GPC6: variants seen among roughly 807,000 people sequenced by gnomAD.
GPC6 encodes glypican-6.
A neutral mutation model predicts 55.2 loss-of-function variants in GPC6; 14 were observed. That is an observed-to-expected ratio of 0.25 (90% CI 0.17 to 0.40). The LOEUF (loss-of-function observed/expected upper bound fraction) is 0.40, where lower values mean the gene tolerates loss of function less well. Ranked by LOEUF, GPC6 falls within the 10% of genes least tolerant of loss-of-function variation. The probability of loss-of-function intolerance (pLI) is 1.00; values close to 1 mark genes in which losing one functional copy is unlikely to be tolerated. For synonymous variants in GPC6, 278 were observed against 259.6 expected (o/e 1.07, Z -0.68); for missense variants, 641 against 708.5 (o/e 0.90, Z 1.08).
At chr13:93,435,798 C>G (rs73552683) in intron 1 of GPC6, among the ~76,000 whole-genome samples, 1,871 of 152,210 alleles carry the variant, frequency 0.012, 38 homozygotes, top group African/African-American at 0.043. Flanking sequence ...GGATCAAATA[C>G]GGAAATTTTC....
At chr13:93,613,530 A>AACAC (rs10573990) in intron 2 of GPC6, among the ~76,000 whole-genome samples, 6,177 of 139,916 alleles carry the variant, frequency 0.044, 269 homozygotes, top group East Asian at 0.23. Flanking sequence ...ACACACACAA[A>AACAC]ACACACACAC....
chr13:93,367,071 A>G (rs759984543), intron 1 of GPC6, among the ~76,000 whole-genome samples: 1 of 152,058 alleles, frequency 6.6e-6, no homozygotes, highest in Non-Finnish European at 1.5e-5. Flanking sequence ...ATGCTTTTCA[A>G]CCTTAAAATT....
rs76848856 is a variant in GPC6, at chr13:94,082,995, T to C, written c.877+55101T>C. Among the ~76,000 whole-genome samples the C allele has an allele frequency of 1.8e-3, 276 of 152,352 alleles. 1 individual carries two copies. Among genetic ancestry groups the C allele is most frequent in the African/African-American group, 5.7e-3 (235 of 41,588 alleles). On this transcript the variant is annotated intron_variant, in intron 4 of 8. Coordinates refer to ENST00000377047, the MANE Select transcript of GPC6 (RefSeq NM_005708.5). ...TTAGTATTGGCCATGGCATATCTGT[T>C]CACGAATTGACTCATGATCTGTCAG... is the stretch of plus-strand genomic sequence containing the variant.
At chr13:94,180,623 T>C (rs1158175216) in intron 4 of GPC6, among the ~76,000 whole-genome samples, 2 of 152,182 alleles carry the variant, frequency 1.3e-5, no homozygotes, top group Admixed American at 6.5e-5. Flanking sequence ...TTCTTCTCCC[T>C]TAGCAATCAA....
intron 1 of GPC6, among the ~76,000 whole-genome samples, chr13:93,332,696 G>A (rs1028136204): frequency 1.3e-5 from 2 of 152,088 alleles, no homozygotes; most frequent in African/African-American, 2.4e-5. Context: ...CCTTTGCTGT[G>A]CAGAAGATTT....
intron 6 of GPC6, among the ~76,000 whole-genome samples, chr13:94,354,794 C>A (rs9524456): frequency 0.042 from 6,374 of 152,330 alleles, 212 homozygotes; most frequent in Non-Finnish European, 0.068. Flanking sequence ...AAATTGTCAG[C>A]CATCAGTGTT....
In GPC6 at chr13:93,977,591, G is replaced by A. The variant is rs1227692730; in HGVS notation, c.712-50138G>A. Among the ~76,000 whole-genome samples the A allele has an allele frequency of 2.0e-5, 3 of 151,002 alleles. No homozygotes were observed. In the East Asian group the frequency reaches 5.9e-4, roughly 30 times the overall value. On this transcript the variant is annotated intron_variant, in intron 3 of 8. Transcript: ENST00000377047. ...CTTTTGATTCATAACAGAACTTGTTGGAGAGAGCCAATACATGATATTAGC... is the reference window on the plus strand; with the variant it reads ...CTTTTGATTCATAACAGAACTTGTTAGAGAGAGCCAATACATGATATTAGC...
chr13:93,915,256 A>G (rs916803202), intron 3 of GPC6, among the ~76,000 whole-genome samples: 3 of 152,194 alleles, frequency 2.0e-5, no homozygotes, highest in Non-Finnish European at 4.4e-5. Flanking sequence ...TGATAACCCT[A>G]TGTAGTACAT....
chr13:93,645,177 G>A (rs1880122828), intron 2 of GPC6, among the ~76,000 whole-genome samples: 1 of 151,664 alleles, frequency 6.6e-6, no homozygotes, highest in African/African-American at 2.4e-5. Context: ...AAACTGTTCA[G>A]ATTCTTTGAA....
In GPC6 at chr13:93,305,683, G is replaced by A. The variant is rs183047378; in HGVS notation, c.160+78067G>A. On this transcript the variant is annotated intron_variant, in intron 1 of 8. Transcript: ENST00000377047. ...TCACTTCCTTTCTTCTAGATATGTT[G>A]TCTTGCATTAGGGCCCACAGATGTA... Among the ~76,000 whole-genome samples the A allele has an allele frequency of 3.6e-3, 544 of 152,188 alleles. 3 individuals carry two copies. Among genetic ancestry groups the A allele is most frequent in the African/African-American group, 0.012 (517 of 41,524 alleles).
chr13:93,527,187 A>T lies in GPC6; in HGVS notation c.161-18076A>T, dbSNP rs565533213. Among the ~76,000 whole-genome samples the T allele has an allele frequency of 4.6e-5, 7 of 152,264 alleles. No individual in the cohort carries two copies. The East Asian group carries it at 9.6e-4, about 21-fold the overall frequency. ...ATCGTTAGCAGTCAAACAAATTAACATATCCATCACCTACCATAGTTACCT... is the reference window on the plus strand; with the variant it reads ...ATCGTTAGCAGTCAAACAAATTAACTTATCCATCACCTACCATAGTTACCT... On this transcript the variant is annotated intron_variant, in intron 1 of 8. Coordinates refer to ENST00000377047, the MANE Select transcript of GPC6 (RefSeq NM_005708.5).
intron 1 of GPC6, among the ~76,000 whole-genome samples, chr13:93,412,424 G>A (rs2139246688): frequency 6.6e-6 from 1 of 152,300 alleles, no homozygotes; most frequent in Middle Eastern, 3.4e-3. Flanking sequence ...GAGAGGCCGA[G>A]GCAGGTGGAT....
chr13:93,537,808 A>T (rs1173595667), intron 1 of GPC6, among the ~76,000 whole-genome samples: 1 of 152,088 alleles, frequency 6.6e-6, no homozygotes, highest in African/African-American at 2.4e-5. Flanking sequence ...CACTTCACAT[A>T]GTTAGTAAGT....
intron 4 of GPC6, among the ~76,000 whole-genome samples, chr13:94,042,275 C>G (rs1455518486): frequency 6.6e-6 from 1 of 151,810 alleles, no homozygotes; most frequent in Non-Finnish European, 1.5e-5. Flanking sequence ...CACCATACTT[C>G]CTGTACACCC....
intron 1 of GPC6, among the ~76,000 whole-genome samples, chr13:93,403,466 C>G (rs1876168858): frequency 6.6e-6 from 1 of 152,212 alleles, no homozygotes; most frequent in African/African-American, 2.4e-5. Context: ...GACAGCTATT[C>G]ATTTCATTAT....
At chr13:94,234,105 T>A (rs1890806880) in intron 4 of GPC6, among the ~76,000 whole-genome samples, 1 of 152,000 alleles carries the variant, frequency 6.6e-6, no homozygotes, top group South Asian at 2.1e-4. Context: ...TCTTATTTAG[T>A]CACACCTCAT....
chr13:93,379,984 G>GCAAGTTT (rs1875091226), intron 1 of GPC6, among the ~76,000 whole-genome samples: 1 of 148,012 alleles, frequency 6.8e-6, no homozygotes, highest in African/African-American at 2.5e-5. Flanking sequence ...AAAGAGCCCT[G>GCAAGTTT]CAAGTTTCTC....
At chr13:93,527,242 A>G (rs571472277) in intron 1 of GPC6, among the ~76,000 whole-genome samples, 4 of 152,216 alleles carry the variant, frequency 2.6e-5, no homozygotes, top group South Asian at 4.1e-4. Context: ...AGCACCTAAC[A>G]TCTATCTCAG....
intron 1 of GPC6, among the ~76,000 whole-genome samples, chr13:93,433,428 A>G (rs1566354500): frequency 6.6e-6 from 1 of 152,180 alleles, no homozygotes; most frequent in African/African-American, 2.4e-5. Flanking sequence ...ATGTAAATAA[A>G]TGTGGAAGGA....
Sources: allele counts gnomAD v4.1 joint callset (sites outside exome capture counted in the v4.1 genomes callset), GRCh38; gene constraint gnomAD v4.1.1; transcripts MANE v1.5; gene names NCBI Gene and HGNC (gene_info 2026-07-23, HGNC 2026-07-21).